GTF2A1: variants seen among roughly 807,000 people sequenced by gnomAD.
The protein encoded by GTF2A1 is transcription initiation factor IIA subunit 1.
GTF2A1 carries 12 observed loss-of-function variants against 54.1 expected under a neutral mutation model. That is an observed-to-expected ratio of 0.22 (90% CI 0.14 to 0.36). GTF2A1 has a LOEUF of 0.36. Among genes scored for constraint, GTF2A1 ranks in the 10% least tolerant of loss-of-function variants. GTF2A1 has a pLI of 1.00. For missense variants in GTF2A1, 335 were observed against 442.2 expected, an observed-to-expected ratio of 0.76 and a Z score of 2.17; for synonymous variants, 145 against 152.0, an observed-to-expected ratio of 0.95 and a Z score of 0.34.
At chr14:81,210,048 ACAAGAAAT>A in intron 2 of GTF2A1, 1 of 132,294 alleles carries the variant, frequency 7.6e-6, no homozygotes, top group Non-Finnish European at 1.7e-5. Context: ...GAATGGTCCC[ACAAGAAAT>A]ATGCAGGAAT....
At chr14:81,198,345 T>G (rs1171777999) in intron 4 of GTF2A1, among the ~76,000 whole-genome samples, 1 of 151,676 alleles carries the variant, frequency 6.6e-6, no homozygotes, top group Non-Finnish European at 1.5e-5. Flanking sequence ...CTTGGGAGGG[T>G]GAGGTGGGAG....
chr14:81,202,633 C>T (rs1893138493), intron 3 of GTF2A1: 4 of 512,424 alleles, frequency 7.8e-6, no homozygotes, highest in Admixed American at 6.0e-5. Flanking sequence ...GGTAAACCGG[C>T]AAAAGTCGGA....
intron 2 of GTF2A1, among the ~76,000 whole-genome samples, chr14:81,214,044 T>C (rs1566861727): frequency 6.6e-6 from 1 of 152,226 alleles, no homozygotes; most frequent in East Asian, 1.9e-4. Flanking sequence ...GGTTTCACCA[T>C]GTTGGCCAGG....
At chr14:81,189,581 G>C (rs1892829028) in intron 7 of GTF2A1, among the ~76,000 whole-genome samples, 1 of 152,146 alleles carries the variant, frequency 6.6e-6, no homozygotes, top group Admixed American at 6.5e-5. Flanking sequence ...TGAGGCAGGA[G>C]AATGGCGTAA....
intron 6 of GTF2A1, among the ~76,000 whole-genome samples, chr14:81,195,887 G>A (rs954240777): frequency 2.6e-5 from 4 of 152,090 alleles, no homozygotes; most frequent in African/African-American, 9.7e-5. Flanking sequence ...TGCCACCTTC[G>A]AGGGGATGAT....
intron 2 of GTF2A1, among the ~76,000 whole-genome samples, chr14:81,208,448 G>C (rs1893290568): frequency 6.6e-6 from 1 of 152,258 alleles, no homozygotes; most frequent in East Asian, 1.9e-4. Context: ...TGCAGAGGCA[G>C]AGCCCTCATG....
intron 6 of GTF2A1, 48 bp downstream of exon 6, chr14:81,196,060 C>T (rs756557878): frequency 2.6e-6 from 4 of 1,554,982 alleles, no homozygotes; most frequent in South Asian, 1.1e-5. Flanking sequence ...GGAATACATA[C>T]AGAATAAAAC....
chr14:81,193,761 A>G (rs954962330), intron 6 of GTF2A1, among the ~76,000 whole-genome samples: 2 of 152,204 alleles, frequency 1.3e-5, no homozygotes, highest in African/African-American at 4.8e-5. Context: ...AAAAATATAT[A>G]CTAACAAATA....
intron 2 of GTF2A1, among the ~76,000 whole-genome samples, chr14:81,211,367 G>C (rs1183332088): frequency 6.6e-6 from 1 of 152,098 alleles, no homozygotes; most frequent in African/African-American, 2.4e-5. Flanking sequence ...AACAACCCAA[G>C]ATCTAGTCAA....
rs1193783202 is a variant in GTF2A1, at chr14:81,177,036, T to C, written c.*3187A>G. On this transcript the variant is annotated 3_prime_UTR_variant, in exon 9 of 9. Transcript: ENST00000553612. ...TCTTAGAGGGAGACAACTCTTTTCA[T>C]TCCTCCATAAAAGCCAGGAAAAAAA... The C allele has an allele frequency of 1.3e-5, 2 of 152,076 alleles. No individual in the cohort carries two copies. The highest frequency in any genetic ancestry group is 4.8e-5 in the African/African-American group (2 of 41,438). 9.4% of individuals were successfully genotyped at this position (152,076 alleles called of 1,614,324 possible).
intron 5 of GTF2A1, among the ~76,000 whole-genome samples, chr14:81,196,862 T>G (rs980227838): frequency 2.0e-5 from 3 of 152,044 alleles, no homozygotes; most frequent in Admixed American, 1.3e-4. Flanking sequence ...AATTTACAAA[T>G]TAACAAAAAT....
In GTF2A1 at chr14:81,204,599, AAG is replaced by A. The variant is rs1198459683; in HGVS notation, c.133-497_133-496del. Among the ~76,000 whole-genome samples the A allele has an allele frequency of 1.3e-4, 20 of 152,342 alleles. 1 individual carries two copies. The East Asian group carries it at 3.9e-3, about 29-fold the overall frequency. On this transcript the variant is annotated intron_variant, in intron 2 of 8. Transcript: ENST00000553612. ...TGAGATACATAGATGCAATCCCCCAAAGAAGAAAAGCCTAACTTTCCATCTGT... is the reference window on the plus strand; with the variant it reads ...TGAGATACATAGATGCAATCCCCCAAAAGAAAAGCCTAACTTTCCATCTGT...
chr14:81,211,324 C>T (rs964188302), intron 2 of GTF2A1, among the ~76,000 whole-genome samples: 24 of 152,132 alleles, frequency 1.6e-4, no homozygotes, highest in African/African-American at 4.6e-4. Context: ...AGCAGGTCAC[C>T]GACCATCAAA....
intron 4 of GTF2A1, among the ~76,000 whole-genome samples, chr14:81,201,204 C>T (rs1008812297): frequency 6.6e-6 from 1 of 152,098 alleles, no homozygotes; most frequent in African/African-American, 2.4e-5. Context: ...AATAGTTATA[C>T]TGAACTATCC....
rs2140157107 is a variant in GTF2A1, at chr14:81,196,123, A to G, written c.597T>C (p.Ala199=). 1 of 1,613,608 alleles carries G rather than the reference A, an allele frequency of 6.2e-7. No homozygotes were observed. The highest frequency in any genetic ancestry group is 8.5e-7 in the Non-Finnish European group (1 of 1,179,540). The change falls in exon 6 of 9, where the codon GCT becomes GCC. Residue 199 remains alanine, a synonymous_variant. Transcript: ENST00000553612. ...IPQMQPGGVQ[A]PVIQQVLAPL... ...ATTATTTTACCTGCTGTATAACAGG[A>G]GCTTGTACTCCACCAGGCTGCATTT...
intron 2 of GTF2A1, among the ~76,000 whole-genome samples, chr14:81,206,904 A>G (rs776743020): frequency 2.0e-5 from 3 of 152,108 alleles, no homozygotes; most frequent in Admixed American, 6.5e-5. Context: ...ACTGTACTAC[A>G]CTGAGAAAAA....
At chr14:81,211,838 C>A in intron 2 of GTF2A1, among the ~76,000 whole-genome samples, 1 of 138,172 alleles carries the variant, frequency 7.2e-6, no homozygotes, top group South Asian at 2.2e-4. Flanking sequence ...AACTTATGGT[C>A]CAAATATTTA....
At chr14:81,181,811 G>T (rs1184870697) in intron 8 of GTF2A1, among the ~76,000 whole-genome samples, 1 of 152,080 alleles carries the variant, frequency 6.6e-6, no homozygotes, top group African/African-American at 2.4e-5. Flanking sequence ...CAAAGTGCTG[G>T]GATTACAGGC....
Position 81,177,709 on chromosome 14 carries a change from A to AG in GTF2A1, c.*2513dup, listed in dbSNP as rs1433107505. ...AAGTGGAAATCCCTTGCCTTTTCAA[A>AG]GGAATGACATTTTAATGGAACCTAA... On this transcript the variant is annotated 3_prime_UTR_variant, in exon 9 of 9. Transcript: ENST00000553612. The AG allele has an allele frequency of 1.3e-5, 2 of 152,150 alleles. No individual in the cohort carries two copies. The highest frequency in any genetic ancestry group is 1.3e-4 in the Admixed American group (2 of 15,272). The allele number at this position is 152,150 out of a possible 1,614,324, so 9.4% of individuals were successfully genotyped here.
Sources: gnomAD v4.1 joint callset for allele counts (sites outside exome capture counted in the v4.1 genomes callset) on GRCh38, gnomAD v4.1.1 for gene constraint, MANE v1.5 for transcripts, NCBI Gene and HGNC (gene_info 2026-07-23, HGNC 2026-07-21) for gene names.